NCKAP5: variants seen among roughly 807,000 people sequenced by gnomAD.
The protein encoded by NCKAP5 is nck-associated protein 5.
Under a neutral mutation model 167.0 loss-of-function variants are expected in NCKAP5, and 92 were observed. That is an observed-to-expected ratio of 0.55 (90% CI 0.47 to 0.66). The LOEUF (loss-of-function observed/expected upper bound fraction) is 0.66. NCKAP5 is among the 30% of genes least tolerant of loss of function. The probability of loss-of-function intolerance (pLI) is 0.00; values close to 1 mark genes in which losing one functional copy is unlikely to be tolerated. For synonymous variants in NCKAP5, 891 were observed against 877.4 expected (o/e 1.02, Z -0.27); for missense variants, 2,378 against 2,315.0 (o/e 1.03, Z -0.56).
chr2:132,692,207 A>G (rs1426632476), intron 19 of NCKAP5, among the ~76,000 whole-genome samples: 1 of 151,634 alleles, frequency 6.6e-6, no homozygotes, highest in Non-Finnish European at 1.5e-5. Context: ...CAGTGGCGCA[A>G]TCTTGGCTCA....
chr2:133,161,262 T>A (rs35635401), intron 5 of NCKAP5, among the ~76,000 whole-genome samples: 21,447 of 152,048 alleles, frequency 0.14, 1,691 homozygotes, highest in East Asian at 0.39. Context: ...TGCCAAAAAG[T>A]TTGGAGACCG....
At chr2:133,190,124 C>T (rs893876265) in intron 5 of NCKAP5, among the ~76,000 whole-genome samples, 1 of 152,088 alleles carries the variant, frequency 6.6e-6, no homozygotes, top group African/African-American at 2.4e-5. Flanking sequence ...TTCTTATACA[C>T]CAACAACAGA....
chr2:133,672,092 T>G, the NCKAP5 span, among the ~76,000 whole-genome samples: 24 of 152,332 alleles, frequency 1.6e-4, no homozygotes, highest in South Asian at 5.0e-3. Flanking sequence ...ATTTTTCAGA[T>G]GGACTTCTTT....
At chr2:132,696,288 C>T (rs1411353062) in intron 19 of NCKAP5, among the ~76,000 whole-genome samples, 1 of 152,202 alleles carries the variant, frequency 6.6e-6, no homozygotes, top group Non-Finnish European at 1.5e-5. Context: ...AGCTGGAGCT[C>T]ACACCTACAA....
At chr2:133,245,246 T>G (rs1274706949) in intron 4 of NCKAP5, among the ~76,000 whole-genome samples, 1 of 152,122 alleles carries the variant, frequency 6.6e-6, no homozygotes, top group African/African-American at 2.4e-5. Context: ...ATCAACTACA[T>G]CAATAAATCA....
At chr2:133,223,404 T>G (rs944138872) in intron 4 of NCKAP5, among the ~76,000 whole-genome samples, 3 of 152,066 alleles carry the variant, frequency 2.0e-5, no homozygotes, top group African/African-American at 7.2e-5. Flanking sequence ...AGAAGTGCCC[T>G]GGGGAGTCAC....
At chr2:133,658,497 G>GC in the NCKAP5 span, among the ~76,000 whole-genome samples, 2 of 152,068 alleles carry the variant, frequency 1.3e-5, no homozygotes, top group African/African-American at 4.8e-5. Context: ...GGAAAGATTG[G>GC]CCCCCCTGCT....
At chr2:132,844,990 A>G (rs1274739551) in intron 11 of NCKAP5, among the ~76,000 whole-genome samples, 1 of 152,054 alleles carries the variant, frequency 6.6e-6, no homozygotes, top group Non-Finnish European at 1.5e-5. Context: ...TTATCATCAC[A>G]CTTTTATTTA....
intron 5 of NCKAP5, among the ~76,000 whole-genome samples, chr2:133,139,885 T>C (rs900292723): frequency 7.2e-5 from 11 of 152,196 alleles, no homozygotes; most frequent in Non-Finnish European, 1.5e-5. Flanking sequence ...AGCAAGACAT[T>C]GAGTAATAAC....
At chr2:133,440,075 C>T (rs921719671) in intron 3 of NCKAP5, among the ~76,000 whole-genome samples, 3 of 152,130 alleles carry the variant, frequency 2.0e-5, no homozygotes, top group African/African-American at 7.2e-5. Context: ...TGATATACTG[C>T]TTCACTGGTG....
At chr2:133,643,276 T>TC in the NCKAP5 span, among the ~76,000 whole-genome samples, 3 of 152,216 alleles carry the variant, frequency 2.0e-5, no homozygotes, top group African/African-American at 7.2e-5. Context: ...ATGTAAGTCT[T>TC]CCTTACTCTA....
At chr2:133,262,221 A>G (rs2150373537) in intron 4 of NCKAP5, among the ~76,000 whole-genome samples, 1 of 152,346 alleles carries the variant, frequency 6.6e-6, no homozygotes, top group South Asian at 2.1e-4. Flanking sequence ...TCAATAATAA[A>G]TAAGGGAATC....
chr2:133,464,987 G>C lies in NCKAP5; in HGVS notation c.69+52471C>G, dbSNP rs1408989970. ...TTAAGATATGTAAATACACAGAATA[G>C]TATCTGGCACTGCTTTTGCTTTTTT... On this transcript the variant is annotated intron_variant, in intron 3 of 19. Coordinates refer to ENST00000409261, the MANE Select transcript of NCKAP5 (RefSeq NM_207363.3). 4.0e-5 allele frequency among the ~76,000 whole-genome samples: 6 copies of C among 151,534 alleles called. No homozygotes were observed. In the East Asian group the frequency reaches 1.2e-3, roughly 30 times the overall value.
At chr2:133,312,378 C>T (rs1014345649) in intron 3 of NCKAP5, among the ~76,000 whole-genome samples, 3 of 152,118 alleles carry the variant, frequency 2.0e-5, no homozygotes, top group African/African-American at 7.2e-5. Context: ...ATATTTTTCC[C>T]CTTTTAAAAA....
At chr2:133,619,310 T>A in the NCKAP5 span, among the ~76,000 whole-genome samples, 1 of 150,518 alleles carries the variant, frequency 6.6e-6, no homozygotes, top group South Asian at 2.1e-4. Flanking sequence ...ATAATAATAA[T>A]AAATAAAATA....
chr2:133,246,715 C>T (rs1379766315), intron 4 of NCKAP5, among the ~76,000 whole-genome samples: 6 of 152,314 alleles, frequency 3.9e-5, no homozygotes, highest in East Asian at 3.9e-4. Flanking sequence ...TTTCTCACTG[C>T]GGCTTCCAAT....
chr2:133,218,264 G>C (rs1444667126), intron 4 of NCKAP5, among the ~76,000 whole-genome samples: 2 of 152,000 alleles, frequency 1.3e-5, no homozygotes, highest in African/African-American at 2.4e-5. Context: ...AATACACTTT[G>C]CAAATAAAGG....
intron 5 of NCKAP5, among the ~76,000 whole-genome samples, chr2:133,188,884 C>T (rs2085075565): frequency 6.6e-6 from 1 of 151,816 alleles, no homozygotes; most frequent in African/African-American, 2.4e-5. Flanking sequence ...GCTAGAGAAG[C>T]AAGAGCAAAC....
intron 11 of NCKAP5, among the ~76,000 whole-genome samples, chr2:132,836,717 C>G (rs2105395787): frequency 6.6e-6 from 1 of 152,166 alleles, no homozygotes; most frequent in East Asian, 1.9e-4. Flanking sequence ...CCCCAAGTCC[C>G]CAAAGTCCAT....
Sources: allele counts gnomAD v4.1 joint callset (sites outside exome capture counted in the v4.1 genomes callset), GRCh38; gene constraint gnomAD v4.1.1; transcripts MANE v1.5; gene names NCBI Gene and HGNC (gene_info 2026-07-23, HGNC 2026-07-21).